The following SUCLG1 variants were observed in gnomAD, a reference collection of about 807,000 sequenced individuals.
The protein encoded by SUCLG1 is succinate-CoA ligase GDP/ADP-forming subunit alpha, also known as succinate--CoA ligase [ADP/GDP-forming] subunit alpha, mitochondrial.
A neutral mutation model predicts 37.3 loss-of-function variants in SUCLG1; 26 were observed. The observed-to-expected ratio is 0.70, with a 90% confidence interval of 0.51 to 0.97. SUCLG1 has a LOEUF of 0.97. Ranked by LOEUF, SUCLG1 falls within the 50% of genes least tolerant of loss-of-function variation. The pLI is 0.00. For synonymous variants in SUCLG1, 163 were observed against 155.6 expected (o/e 1.05, Z -0.36); for missense variants, 433 against 432.9 (o/e 1.00, Z 0.00).
intron 1 of SUCLG1, 41 bp from the exon 2 acceptor site, chr2:84,449,793 A>G (rs1672913002): frequency 7.2e-7 from 1 of 1,382,746 alleles, no homozygotes; most frequent in Non-Finnish European, 1.0e-6. Flanking sequence ...AAAAAGACAC[A>G]TTATAATTTT....
chr2:84,423,658 G>T lies in SUCLG1; in HGVS notation c.*88C>A. On this transcript the variant is annotated 3_prime_UTR_variant, in exon 9 of 9. Coordinates refer to ENST00000393868, the MANE Select transcript of SUCLG1 (RefSeq NM_003849.4). ...AAGACCAGTGTCAGGCACATAGGCT[G>T]ATTAATCAGTGGACAACAGAAGCAA... The T allele has an allele frequency of 1.5e-6, 2 of 1,330,252 alleles. No homozygotes were observed. The highest frequency in any genetic ancestry group is 2.5e-5 in the South Asian group (2 of 80,520). The allele number at this position is 1,330,252 out of a possible 1,614,324, so 82.4% of individuals were successfully genotyped here. A position where few individuals can be genotyped will look rare whatever the true frequency, so the allele number is the denominator to read the frequency against.
At chr2:84,448,696 A>T (rs925534712) in intron 2 of SUCLG1, among the ~76,000 whole-genome samples, 1 of 152,014 alleles carries the variant, frequency 6.6e-6, no homozygotes, top group African/African-American at 2.4e-5. Context: ...ATCTGTTCCA[A>T]TGTTTTAAAG....
At chr2:84,439,429 C>T (rs1270319836) in intron 5 of SUCLG1, among the ~76,000 whole-genome samples, 2 of 152,128 alleles carry the variant, frequency 1.3e-5, no homozygotes, top group Non-Finnish European at 2.9e-5. Flanking sequence ...AAAACAGACC[C>T]AAGAATATAA....
At chr2:84,428,547 CCT>C (rs928912169) in intron 7 of SUCLG1, among the ~76,000 whole-genome samples, 10 of 152,176 alleles carry the variant, frequency 6.6e-5, no homozygotes, top group Non-Finnish European at 2.9e-5. Flanking sequence ...ATTCCACTCC[CCT>C]GTTCCCCAAA....
Position 84,433,404 on chromosome 2 carries a change from A to G in SUCLG1, c.621T>C (p.Tyr207=), listed in dbSNP as rs780612135. 3 of 1,613,974 alleles carry G rather than the reference A, an allele frequency of 1.9e-6. No individual in the cohort carries two copies. Among genetic ancestry groups the G allele is most frequent in the Non-Finnish European group, 1.7e-6 (2 of 1,179,884 alleles). ...CTTGCGTTGTTTGGTGAACTGCTTCATAAGTCAGGGTGCCAGATCTGGACA... is the reference window on the plus strand; with the variant it reads ...CTTGCGTTGTTTGGTGAACTGCTTCGTAAGTCAGGGTGCCAGATCTGGACA... ...GIVSRSGTLT[Y]EAVHQTTQVG... is the part of the protein sequence containing the mutation. The change falls in exon 6 of 9, where the codon TAT becomes TAC. Residue 207 remains tyrosine, a synonymous_variant. Transcript: ENST00000393868.
chr2:84,446,751 A>G (rs1293398161), intron 2 of SUCLG1, among the ~76,000 whole-genome samples: 2 of 152,220 alleles, frequency 1.3e-5, no homozygotes, highest in African/African-American at 4.8e-5. Context: ...TAAAAAAGTA[A>G]AAATGTTTGC....
At chr2:84,457,014 GTGTTCAC>G (rs1673031085) in intron 1 of SUCLG1, among the ~76,000 whole-genome samples, 5 of 152,140 alleles carry the variant, frequency 3.3e-5, no homozygotes, top group Admixed American at 2.6e-4. Flanking sequence ...GCATCTACCA[GTGTTCAC>G]TTGAGTTTTT....
At chr2:84,452,645 ATGT>A (rs1672957865) in intron 1 of SUCLG1, among the ~76,000 whole-genome samples, 1 of 152,072 alleles carries the variant, frequency 6.6e-6, no homozygotes, top group Admixed American at 6.5e-5. Context: ...TCTTTTCATC[ATGT>A]TATTTTTAAG....
intron 5 of SUCLG1, among the ~76,000 whole-genome samples, chr2:84,440,645 GA>G (rs1192850745): frequency 6.6e-6 from 1 of 152,102 alleles, no homozygotes; most frequent in Non-Finnish European, 1.5e-5. Context: ...GCTCAAACAT[GA>G]AAACAACCCA....
Position 84,440,951 on chromosome 2 carries a change from T to C in SUCLG1, c.589+96A>G. ...GTAAATTCTACTCAAGTCAAATTAA[T>C]TAAACTTGATTTGCAAAGTCAAAAA... On this transcript the variant is annotated intron_variant, in intron 5 of 8. Transcript: ENST00000393868. 3.2e-6 allele frequency: 4 copies of C among 1,263,106 alleles called. No homozygotes were observed. In the South Asian group the frequency reaches 4.9e-5, roughly 16 times the overall value. 78.2% of individuals were successfully genotyped at this position (1,263,106 alleles called of 1,614,324 possible).
At chr2:84,449,146 A>G (rs1254047898) in intron 2 of SUCLG1, among the ~76,000 whole-genome samples, 1 of 152,200 alleles carries the variant, frequency 6.6e-6, no homozygotes, top group South Asian at 2.1e-4. Flanking sequence ...CCAGGCCATC[A>G]TCCCAGAGAA....
Position 84,440,304 on chromosome 2 carries a change from C to T in SUCLG1, c.589+743G>A, listed in dbSNP as rs563599054. On this transcript the variant is annotated intron_variant, in intron 5 of 8. Transcript: ENST00000393868. ...AGGAGAATCACTTGAACCTGGGAGG[C>T]GGAGGTGGGGGTAAGCCGAGATCGA... Among the ~76,000 whole-genome samples the T allele has an allele frequency of 2.6e-5, 4 of 152,218 alleles. 1 individual carries two copies. The highest frequency in any genetic ancestry group is 4.2e-4 in the South Asian group (2 of 4,818).
At chr2:84,433,617 A>C (rs1672642507) in intron 5 of SUCLG1, 182 bp from the exon 6 acceptor site, 2 of 623,420 alleles carry the variant, frequency 3.2e-6, no homozygotes, top group Admixed American at 5.6e-5. Context: ...AAATTCAAGC[A>C]GGGGGGTTTT....
At chr2:84,455,840 CAAA>C (rs5832612) in intron 1 of SUCLG1, among the ~76,000 whole-genome samples, 3 of 79,896 alleles carry the variant, frequency 3.8e-5, no homozygotes, top group African/African-American at 4.3e-5. Flanking sequence ...CGTCTCAAAA[CAAA>C]AAAAAAAAAA....
At chr2:84,441,164 C>T (rs555605613) in intron 4 of SUCLG1, 60 bp from the exon 5 acceptor site, 33 of 1,611,720 alleles carry the variant, frequency 2.0e-5, no homozygotes, top group African/African-American at 1.3e-5. Context: ...AGGTCATACA[C>T]ACAAATACAC....
intron 6 of SUCLG1, chr2:84,432,872 G>A (rs1025011450): frequency 3.8e-5 from 6 of 158,924 alleles, no homozygotes; most frequent in African/African-American, 1.4e-4. Flanking sequence ...TAAAAAGAGA[G>A]GTTCTGAGGA....
rs145405749 is a variant in SUCLG1 at position 84,425,704 on chromosome 2, G to C, written c.826-101C>G. The C allele has an allele frequency of 1.4e-4, 178 of 1,315,068 alleles. No homozygotes were observed. The African/African-American group carries it at 2.4e-3, about 18-fold the overall frequency. 81.5% of individuals were successfully genotyped at this position (1,315,068 alleles called of 1,614,324 possible). ...TGGTAAATGGTAAATGGCTTGGGCAGGGGAAAGCCCACCATTCATCTTAGG... is the reference window on the plus strand; with the variant it reads ...TGGTAAATGGTAAATGGCTTGGGCACGGGAAAGCCCACCATTCATCTTAGG... On this transcript the variant is annotated intron_variant, in intron 7 of 8. Transcript: ENST00000393868.
chr2:84,454,896 G>C (rs916463705), intron 1 of SUCLG1, among the ~76,000 whole-genome samples: 1 of 152,046 alleles, frequency 6.6e-6, no homozygotes, highest in Non-Finnish European at 1.5e-5. Flanking sequence ...ATAACCCAAG[G>C]CTCTATTCAT....
intron 1 of SUCLG1, among the ~76,000 whole-genome samples, chr2:84,454,821 A>G (rs1196973226): frequency 3.3e-5 from 5 of 152,210 alleles, no homozygotes; most frequent in African/African-American, 1.2e-4. Flanking sequence ...CTATGGTCAA[A>G]GAGCACCTGC....
Sources: gnomAD v4.1 joint callset for allele counts (sites outside exome capture counted in the v4.1 genomes callset) on GRCh38, gnomAD v4.1.1 for gene constraint, MANE v1.5 for transcripts, NCBI Gene and HGNC (gene_info 2026-07-23, HGNC 2026-07-21) for gene names.